Variants in HADHA observed in about 807,000 individuals in gnomAD.
The protein encoded by HADHA is trifunctional enzyme subunit alpha, mitochondrial.
A neutral mutation model predicts 91.3 loss-of-function variants in HADHA; 59 were observed. That is an observed-to-expected ratio of 0.65 (90% CI 0.52 to 0.80). The LOEUF (loss-of-function observed/expected upper bound fraction) is 0.80, where lower values mean the gene tolerates loss of function less well. HADHA is among the 30% of genes least tolerant of loss of function. The probability of loss-of-function intolerance (pLI) is 0.00; values close to 1 mark genes in which losing one functional copy is unlikely to be tolerated. For synonymous variants in HADHA, 320 were observed against 338.9 expected, an observed-to-expected ratio of 0.94 and a Z score of 0.61; for missense variants, 800 against 927.6, an observed-to-expected ratio of 0.86 and a Z score of 1.79.
chr2:26,220,874 A>G (rs1213357738), intron 7 of HADHA, among the ~76,000 whole-genome samples: 2 of 152,172 alleles, frequency 1.3e-5, no homozygotes, highest in African/African-American at 4.8e-5. Context: ...TGCTGAATGG[A>G]TCTGGTGAGC....
chr2:26,235,680 T>G (rs986924089), intron 4 of HADHA, among the ~76,000 whole-genome samples: 3 of 152,228 alleles, frequency 2.0e-5, no homozygotes, highest in Non-Finnish European at 2.9e-5. Context: ...CATAAATAAT[T>G]ACACTTTCAG....
chr2:26,236,986 T>C lies in HADHA; in HGVS notation c.183A>G (p.Val61=), dbSNP rs370149021. ...AATGTAGCTCTTTACTCAGTGTATT[T>C]ACCTGCCAAAGGGAAATATATACAG... is the stretch of plus-strand genomic sequence containing the variant. ...VVRINSPNSK[V]NTLSKELHSE... is the part of the protein sequence containing the mutation. The change falls in exon 4 of 20, where the codon GTA becomes GTG. Residue 61 remains valine (V), a splice_region_variant and synonymous_variant. Transcript: ENST00000380649. The C allele has an allele frequency of 1.0e-5, 16 of 1,607,064 alleles. No homozygotes were observed. Among genetic ancestry groups the C allele is most frequent in the Non-Finnish European group, 1.3e-5 (15 of 1,173,636 alleles).
At chr2:26,233,075 C>T (rs1427705863) in intron 5 of HADHA, among the ~76,000 whole-genome samples, 1 of 152,198 alleles carries the variant, frequency 6.6e-6, no homozygotes, top group East Asian at 1.9e-4. Flanking sequence ...GTGCAGTTCA[C>T]AACAGGGTTC....
At chr2:26,206,385 C>T (rs1399569729) in intron 11 of HADHA, among the ~76,000 whole-genome samples, 1 of 151,996 alleles carries the variant, frequency 6.6e-6, no homozygotes, top group Non-Finnish European at 1.5e-5. Context: ...CCCACCACCA[C>T]ACCCAGCTAA....
intron 4 of HADHA, chr2:26,235,257 C>G (rs1324795739): frequency 6.6e-6 from 1 of 152,106 alleles, no homozygotes; most frequent in African/African-American, 2.4e-5. Flanking sequence ...TGCAGTGGGC[C>G]GAGATCGCAC....
chr2:26,216,317 ATT>A (rs11406704), intron 7 of HADHA, among the ~76,000 whole-genome samples: 511 of 110,160 alleles, frequency 4.6e-3, no homozygotes, highest in African/African-American at 9.9e-3. Context: ...CATTTGACCT[ATT>A]TTTTTTTTTT....
At chr2:26,227,221 A>T (rs1160526906) in intron 7 of HADHA, among the ~76,000 whole-genome samples, 1 of 152,154 alleles carries the variant, frequency 6.6e-6, no homozygotes, top group Non-Finnish European at 1.5e-5. Flanking sequence ...ATGAAATATG[A>T]CTAATTCCAG....
chr2:26,203,978 A>C, intron 12 of HADHA, 84 bp downstream of exon 12: 1 of 1,382,650 alleles, frequency 7.2e-7, no homozygotes, highest in Non-Finnish European at 1.0e-6. Context: ...AACAAACAAA[A>C]AAACCCACCA....
intron 1 of HADHA, 152 bp from the exon 2 acceptor site, chr2:26,239,295 T>C (rs1670836795): frequency 1.5e-6 from 1 of 688,428 alleles, no homozygotes; most frequent in African/African-American, 1.8e-5. Flanking sequence ...CCATATTTTT[T>C]CCATTTCAGT....
rs1670221394 is a variant in HADHA, at chr2:26,216,387, C to T, written c.677-1212G>A. Among the ~76,000 whole-genome samples the T allele has an allele frequency of 2.4e-5, 3 of 125,004 alleles. No homozygotes were observed. The South Asian group carries it at 7.5e-4, about 31-fold the overall frequency. 82.0% of individuals were successfully genotyped at this position (125,004 alleles called of 152,430 possible). A position where few individuals can be genotyped will look rare whatever the true frequency, so the allele number is the denominator to read the frequency against. Reference sequence around the variant, plus strand: ...CTAGGCTGGAGTGCAGCAGTGTGATCTTGGCTCACTGCAACCTCTGCCTCC... The same window carrying T: ...CTAGGCTGGAGTGCAGCAGTGTGATTTTGGCTCACTGCAACCTCTGCCTCC... On this transcript the variant is annotated intron_variant, in intron 7 of 19. Transcript: ENST00000380649.
chr2:26,194,424 G>A, intron 16 of HADHA, 146 bp downstream of exon 16: 1 of 713,136 alleles, frequency 1.4e-6, no homozygotes, highest in East Asian at 2.6e-5. Flanking sequence ...CGACTGCTGT[G>A]CAGAGAGAGG....
intron 4 of HADHA, 26 bp from the exon 5 acceptor site, chr2:26,234,381 C>T: frequency 6.2e-7 from 1 of 1,604,318 alleles, no homozygotes; most frequent in Non-Finnish European, 8.5e-7. Flanking sequence ...AAGTAGAGAA[C>T]AGAGAAAAAG....
intron 6 of HADHA, 147 bp from the exon 7 acceptor site, chr2:26,230,441 T>C (rs2147780069): frequency 1.5e-6 from 1 of 677,278 alleles, no homozygotes; most frequent in Middle Eastern, 2.4e-4. Flanking sequence ...AGATAAGTTA[T>C]ATTTAATATA....
intron 1 of HADHA, chr2:26,243,218 C>T (rs1670952604): frequency 6.6e-6 from 1 of 152,182 alleles, no homozygotes; most frequent in African/African-American, 2.4e-5. Context: ...CTACCACTTC[C>T]GAGTGACATC....
chr2:26,205,002 C>A (rs1669938455), intron 11 of HADHA, among the ~76,000 whole-genome samples: 1 of 152,182 alleles, frequency 6.6e-6, no homozygotes, highest in Non-Finnish European at 1.5e-5. Context: ...TCCACATATG[C>A]ACATTGCTAC....
chr2:26,231,724 T>C (rs1280828036), intron 6 of HADHA, among the ~76,000 whole-genome samples: 1 of 152,090 alleles, frequency 6.6e-6, no homozygotes, highest in Non-Finnish European at 1.5e-5. Context: ...CCTAGCACTT[T>C]GGGAGGCTGA....
intron 13 of HADHA, 147 bp from the exon 14 acceptor site, chr2:26,197,924 A>C: frequency 1.4e-6 from 1 of 707,886 alleles, no homozygotes; most frequent in South Asian, 1.5e-5. Context: ...CCAGACATTG[A>C]CGGATCACCT....
intron 1 of HADHA, among the ~76,000 whole-genome samples, chr2:26,241,719 C>T (rs899978123): frequency 6.6e-6 from 1 of 151,894 alleles, no homozygotes; most frequent in Non-Finnish European, 1.5e-5. Context: ...CTAAATTCAT[C>T]TCCTGTGAAA....
chr2:26,193,437 C>A lies in HADHA; in HGVS notation c.1885+140G>T, dbSNP rs1669570521. ...TGCTACCGCACCTGACTCATAAAAT[C>A]ATTTTTGAAATCGCCAGTGATAAGG... On this transcript the variant is annotated intron_variant, in intron 17 of 19. Transcript: ENST00000380649. 6 of 803,986 alleles carry A rather than the reference C, an allele frequency of 7.5e-6. No homozygotes were observed. In the South Asian group the frequency reaches 8.2e-5, roughly 11 times the overall value. The allele number at this position is 803,986 out of a possible 1,614,324, so 49.8% of individuals were successfully genotyped here.
Sources: gnomAD v4.1 joint callset for allele counts (sites outside exome capture counted in the v4.1 genomes callset) on GRCh38, gnomAD v4.1.1 for gene constraint, MANE v1.5 for transcripts, NCBI Gene and HGNC (gene_info 2026-07-23, HGNC 2026-07-21) for gene names.